The following RASA2 variants were observed in gnomAD, a reference collection of about 807,000 sequenced individuals.
The protein encoded by RASA2 is RAS p21 protein activator 2.
Under a neutral mutation model 118.2 loss-of-function variants are expected in RASA2, and 155 were observed. The observed-to-expected ratio is 1.31, with a 90% CI of 1.15 to 1.50. The LOEUF is 1.50. Among genes scored for constraint, RASA2 ranks in the 40% most tolerant of loss-of-function variants. The pLI is 0.00. For missense variants in RASA2, 1,016 were observed against 1,009.6 expected (o/e 1.01, Z -0.09); for synonymous variants, 353 against 349.1 (o/e 1.01, Z -0.12).
Position 141,581,158 on chromosome 3 carries a change from A to G in RASA2, c.1733A>G (p.Tyr578Cys). Residue 578 changes from tyrosine to cysteine, a missense_variant, in exon 17 of 24, where the codon TAT (tyrosine) becomes TGT (cysteine). Coordinates refer to ENST00000286364, the MANE Select transcript of RASA2 (RefSeq NM_006506.5). ...TTCAAAATGTTTCAAGAAGAAGGATATATTATAGCAGTTAAAAAGGTATGA... is the reference window on the plus strand; with the variant it reads ...TTCAAAATGTTTCAAGAAGAAGGATGTATTATAGCAGTTAAAAAGGTATGA... ...EFFKMFQEEG[Y>C]IIAVKKFLDE... 6.5e-7 allele frequency: 1 copy of G among 1,528,262 alleles called. No individual in the cohort carries two copies. The highest frequency in any genetic ancestry group is 8.7e-7 in the Non-Finnish European group (1 of 1,146,058). The allele number at this position is 1,528,262 out of a possible 1,614,324, so 94.7% of individuals were successfully genotyped here.
chr3:141,586,818 A>G (rs1186076392), intron 19 of RASA2, 66 bp downstream of exon 19: 3 of 1,261,318 alleles, frequency 2.4e-6, no homozygotes, highest in Non-Finnish European at 3.4e-6. Context: ...TTTGCCGCTT[A>G]TTGTGACTCT....
chr3:141,490,241 G>A (rs766721779), intron 1 of RASA2, among the ~76,000 whole-genome samples: 25 of 148,846 alleles, frequency 1.7e-4, no homozygotes, highest in African/African-American at 6.2e-4. Context: ...AATTAGGGGT[G>A]TACTCGACTC....
Position 141,529,736 on chromosome 3 carries a change from G to C in RASA2, c.384G>C (p.Leu128Phe). The C allele has an allele frequency of 6.2e-7, 1 of 1,611,818 alleles. No individual in the cohort carries two copies. The highest frequency in any genetic ancestry group is 8.5e-7 in the Non-Finnish European group (1 of 1,178,510). Residue 128 changes from leucine (L) to phenylalanine (F), a missense_variant, in exon 4 of 24, where the codon TTG (leucine) becomes TTC (phenylalanine). Leu to Phe is a conservative substitution (Grantham distance 22). Transcript: ENST00000286364. ...AAGTAGCCATCAAAAAAGAAGACTT[G>C]TGTAATCACAGTGGCAAAGAAACTT... ...IGKVAIKKEDLCNHSGKETWF... is the reference protein window; with the variant it reads ...IGKVAIKKEDFCNHSGKETWF...
chr3:141,604,533 T>A (rs1329427853), intron 19 of RASA2, among the ~76,000 whole-genome samples: 1 of 152,218 alleles, frequency 6.6e-6, no homozygotes, highest in Non-Finnish European at 1.5e-5. Flanking sequence ...ATTTTAATAC[T>A]TGTTTCTCTT....
chr3:141,520,163 A>G (rs2082090733), intron 3 of RASA2, among the ~76,000 whole-genome samples: 1 of 151,384 alleles, frequency 6.6e-6, no homozygotes, highest in African/African-American at 2.4e-5. Context: ...CAGGCATGCA[A>G]CACCACACCC....
Position 141,580,384 on chromosome 3 carries a change from G to A in RASA2, c.1607G>A (p.Arg536Lys). ...RPHHPDAQTI[R>K]TLTLISKTIQ... ...ATTCTTTAGGATGCACAGACAATTA[G>A]AACATTAACTCTCATCTCAAAAACT... The change falls in exon 16 of 24, where the codon AGA becomes AAA. Residue 536 changes from arginine (R) to lysine (K), a missense_variant. Coordinates refer to ENST00000286364, the MANE Select transcript of RASA2 (RefSeq NM_006506.5). The A allele has an allele frequency of 6.2e-7, 1 of 1,606,794 alleles. No homozygotes were observed. The highest frequency in any genetic ancestry group is 8.5e-7 in the Non-Finnish European group (1 of 1,175,114).
intron 19 of RASA2, chr3:141,590,248 C>T: frequency 4.6e-6 from 2 of 434,546 alleles, no homozygotes; most frequent in East Asian, 1.4e-4. Context: ...GTGTGTGCAA[C>T]TGTTTACTCC....
chr3:141,591,231 A>C, intron 19 of RASA2, among the ~76,000 whole-genome samples: 1 of 152,178 alleles, frequency 6.6e-6, no homozygotes, highest in East Asian at 1.9e-4. Flanking sequence ...CATCTTTTGC[A>C]TGCTTTTACA....
intron 4 of RASA2, among the ~76,000 whole-genome samples, chr3:141,533,171 G>A (rs1357319780): frequency 6.6e-6 from 1 of 152,100 alleles, no homozygotes; most frequent in Admixed American, 6.6e-5. Flanking sequence ...ATCTGACTCA[G>A]TTTTCTGCCA....
In RASA2 at chr3:141,614,244, A is replaced by G. The variant is rs765767329; in HGVS notation, c.*1931A>G. 1 of 152,190 alleles carries G rather than the reference A, an allele frequency of 6.6e-6. No homozygotes were observed. The highest frequency in any genetic ancestry group is 1.5e-5 in the Non-Finnish European group (1 of 68,020). The allele number at this position is 152,190 out of a possible 1,614,324, so 9.4% of individuals were successfully genotyped here. ...TCACAGGGACCAAGGCTGTGTGCAT[A>G]TATAACTCTGGATTTGAAAGGAGGA... On this transcript the variant is annotated 3_prime_UTR_variant, in exon 24 of 24. Coordinates refer to ENST00000286364, the MANE Select transcript of RASA2 (RefSeq NM_006506.5).
intron 19 of RASA2, among the ~76,000 whole-genome samples, chr3:141,595,723 G>A (rs1324106761): frequency 4.0e-5 from 6 of 151,616 alleles, no homozygotes; most frequent in African/African-American, 1.5e-4. Flanking sequence ...TGACCTCCTG[G>A]GCTCAAGAGA....
chr3:141,559,026 C>A, intron 8 of RASA2, 64 bp downstream of exon 8: 4 of 1,384,556 alleles, frequency 2.9e-6, no homozygotes, highest in Admixed American at 2.1e-5. Flanking sequence ...CTAGATTCAA[C>A]CAAAAAAAGT....
chr3:141,575,701 T>C (rs1034762308), intron 14 of RASA2, among the ~76,000 whole-genome samples: 9 of 152,150 alleles, frequency 5.9e-5, no homozygotes, highest in Non-Finnish European at 1.2e-4. Flanking sequence ...TACTCTATAC[T>C]AACTGGTGAT....
At chr3:141,595,121 G>A (rs2083346719) in intron 19 of RASA2, among the ~76,000 whole-genome samples, 1 of 152,024 alleles carries the variant, frequency 6.6e-6, no homozygotes, top group Non-Finnish European at 1.5e-5. Context: ...GGAAATACTT[G>A]ACATAACTAA....
chr3:141,608,698 G>C lies in RASA2; in HGVS notation c.2225+1G>C. On this transcript the variant is annotated splice_donor_variant, in intron 21 of 23. Transcript: ENST00000286364. LOFTEE classifies it high-confidence loss of function. ...CTCTCGGCTGCAAGCCATGTACTGC[G>C]TAAGTTTCTTTCTGATTATAAAAGC... 1 of 1,610,824 alleles carries C rather than the reference G, an allele frequency of 6.2e-7. No individual in the cohort carries two copies. The highest frequency in any genetic ancestry group is 8.5e-7 in the Non-Finnish European group (1 of 1,177,186).
intron 4 of RASA2, among the ~76,000 whole-genome samples, chr3:141,537,169 A>G (rs1341046144): frequency 6.6e-6 from 1 of 151,444 alleles, no homozygotes; most frequent in Non-Finnish European, 1.5e-5. Context: ...CAATTATCTT[A>G]TCTCCTTTTT....
At chr3:141,599,698 G>T (rs561231966) in intron 19 of RASA2, among the ~76,000 whole-genome samples, 2 of 149,162 alleles carry the variant, frequency 1.3e-5, no homozygotes, top group Non-Finnish European at 3.0e-5. Context: ...AGATATACAT[G>T]ACCTCCTTAT....
At chr3:141,492,070 G>T (rs183308075) in intron 1 of RASA2, among the ~76,000 whole-genome samples, 1 of 152,184 alleles carries the variant, frequency 6.6e-6, no homozygotes, top group Admixed American at 6.5e-5. Flanking sequence ...GGGAGAAAAG[G>T]GTTCTTTGTA....
chr3:141,526,115 A>G (rs147815142), intron 3 of RASA2: 2 of 152,212 alleles, frequency 1.3e-5, no homozygotes, highest in African/African-American at 2.4e-5. Flanking sequence ...AATATTGTTC[A>G]GCTTTCCTCA....
Sources: gnomAD v4.1 joint callset for allele counts (sites outside exome capture counted in the v4.1 genomes callset) on GRCh38, gnomAD v4.1.1 for gene constraint, MANE v1.5 for transcripts, NCBI Gene and HGNC (gene_info 2026-07-23, HGNC 2026-07-21) for gene names.